DLG2: variants seen among roughly 807,000 people sequenced by gnomAD.
DLG2 encodes the protein discs large MAGUK scaffold protein 2, also known as disks large homolog 2.
DLG2 carries 45 observed loss-of-function variants against 132.5 expected under a neutral mutation model. That is an observed-to-expected ratio of 0.34 (90% confidence interval 0.27 to 0.44). The LOEUF is 0.44. Ranked by LOEUF, DLG2 falls within the 20% of genes least tolerant of loss-of-function variation. The pLI, the probability that DLG2 is intolerant of heterozygous loss-of-function variation, is 1.00. For synonymous variants in DLG2, 424 were observed against 419.6 expected (o/e 1.01, Z -0.13); for missense variants, 1,045 against 1,196.9 (o/e 0.87, Z 1.87).
chr11:85,233,277 G>C (rs2152652712), intron 4 of DLG2, among the ~76,000 whole-genome samples: 1 of 151,884 alleles, frequency 6.6e-6, no homozygotes, highest in Middle Eastern at 3.4e-3. Context: ...ACTAAACTAA[G>C]AGCATATGTG....
intron 7 of DLG2, among the ~76,000 whole-genome samples, chr11:84,398,315 C>G (rs1333149647): frequency 6.6e-6 from 1 of 151,858 alleles, no homozygotes; most frequent in African/African-American, 2.4e-5. Flanking sequence ...AAGGAGGAAA[C>G]CAGAAAGCAA....
At chr11:83,588,833 C>A (rs889922455) in intron 19 of DLG2, among the ~76,000 whole-genome samples, 2 of 152,054 alleles carry the variant, frequency 1.3e-5, no homozygotes, top group Non-Finnish European at 2.9e-5. Flanking sequence ...TCGAGATCTA[C>A]ATGAAGAATG....
intron 16 of DLG2, among the ~76,000 whole-genome samples, chr11:83,843,193 A>G (rs1339760449): frequency 6.6e-6 from 1 of 152,184 alleles, no homozygotes; most frequent in Non-Finnish European, 1.5e-5. Context: ...AGCCTTACAA[A>G]GTTGCCAACC....
Position 84,499,520 on chromosome 11 carries a change from C to G in DLG2, c.519+35050G>C, listed in dbSNP as rs575036923. 2.2e-4 allele frequency among the ~76,000 whole-genome samples: 34 copies of G among 152,290 alleles called. No homozygotes were observed. The Middle Eastern group carries it at 0.01, about 46-fold the overall frequency. The stretch of plus-strand genomic sequence containing the variant: ...CTACAGATTCATAACAATGCCAAAA[C>G]TGCTATACTAAACTAAAAGATACTT... On this transcript the variant is annotated intron_variant, in intron 7 of 27. Transcript: ENST00000376104.
intron 6 of DLG2, among the ~76,000 whole-genome samples, chr11:85,087,234 T>C (rs982545286): frequency 6.6e-5 from 10 of 152,058 alleles, no homozygotes; most frequent in Admixed American, 5.2e-4. Context: ...CAATTACAAA[T>C]TGTGATAAGG....
intron 4 of DLG2, among the ~76,000 whole-genome samples, chr11:85,202,644 G>A (rs1007469465): frequency 6.6e-6 from 1 of 151,996 alleles, no homozygotes; most frequent in Admixed American, 6.6e-5. Context: ...CATATGTTAA[G>A]CCACGAAACA....
chr11:85,146,490 G>T (rs947185506), intron 5 of DLG2, among the ~76,000 whole-genome samples: 1 of 152,108 alleles, frequency 6.6e-6, no homozygotes, highest in African/African-American at 2.4e-5. Context: ...AGGGGAGCAG[G>T]TTCCCTTCTA....
chr11:85,071,251 T>C lies in DLG2; in HGVS notation c.357+40410A>G, dbSNP rs546536918. Among the ~76,000 whole-genome samples, 9 of 151,956 alleles carry C rather than the reference T, an allele frequency of 5.9e-5. No individual in the cohort carries two copies. The South Asian group carries it at 1.2e-3, about 21-fold the overall frequency. ...AAATTAAACCTTAGCGTTACGTCCA[T>C]GGAAGCTCAAGGTAGATATGTAAAA... is the stretch of plus-strand genomic sequence containing the variant. On this transcript the variant is annotated intron_variant, in intron 6 of 27. Coordinates refer to ENST00000376104, the MANE Select transcript of DLG2 (RefSeq NM_001142699.3).
intron 4 of DLG2, among the ~76,000 whole-genome samples, chr11:85,227,853 ATT>A (rs1378814917): frequency 1.3e-5 from 2 of 151,794 alleles, no homozygotes; most frequent in Non-Finnish European, 2.9e-5. Context: ...TCTCCTATTT[ATT>A]TCTAGCCACA....
Position 84,167,690 on chromosome 11 carries a change from G to A in DLG2, c.574-4179C>T, listed in dbSNP as rs192198679. Reference sequence around the variant, plus strand: ...GAATAATTTTTTTTTTTTCGAGACGGAGTTTCAGTCTTGTCAACCAGGCTG... The same window carrying A: ...GAATAATTTTTTTTTTTTCGAGACGAAGTTTCAGTCTTGTCAACCAGGCTG... On this transcript the variant is annotated intron_variant, in intron 8 of 27. Transcript: ENST00000376104. 7.4e-3 allele frequency among the ~76,000 whole-genome samples: 1,117 copies of A among 151,688 alleles called. 49 individuals are homozygous for A. Among genetic ancestry groups the A allele is most frequent in the Non-Finnish European group, 1.6e-3 (107 of 67,926 alleles).
At chr11:84,741,233 AT>A (rs2064610875) in intron 6 of DLG2, among the ~76,000 whole-genome samples, 1 of 151,344 alleles carries the variant, frequency 6.6e-6, no homozygotes, top group Admixed American at 6.6e-5. Flanking sequence ...CGCCTGGCTA[AT>A]TTTTTGTATT....
intron 2 of DLG2, among the ~76,000 whole-genome samples, chr11:85,622,772 T>G (rs1346454356): frequency 6.6e-6 from 1 of 152,116 alleles, no homozygotes; most frequent in Non-Finnish European, 1.5e-5. Context: ...TGTCTTAAGA[T>G]TCTAAGGCCA....
chr11:84,530,127 C>T (rs575970029), intron 7 of DLG2, among the ~76,000 whole-genome samples: 128 of 152,160 alleles, frequency 8.4e-4, no homozygotes, highest in Middle Eastern at 3.4e-3. Context: ...CCTTATACCA[C>T]GTACAAAAAA....
chr11:83,856,080 T>C (rs1014135196), intron 16 of DLG2, among the ~76,000 whole-genome samples: 4 of 152,172 alleles, frequency 2.6e-5, no homozygotes, highest in African/African-American at 9.7e-5. Flanking sequence ...AATGAGAACA[T>C]GTGGTATTTG....
intron 18 of DLG2, among the ~76,000 whole-genome samples, chr11:83,677,487 C>G (rs2153588000): frequency 6.6e-6 from 1 of 152,098 alleles, no homozygotes; most frequent in African/African-American, 2.4e-5. Flanking sequence ...TTCCCAACTT[C>G]CTGAGACAGG....
intron 7 of DLG2, among the ~76,000 whole-genome samples, chr11:84,284,077 T>G (rs1321655593): frequency 6.6e-6 from 1 of 151,972 alleles, no homozygotes; most frequent in African/African-American, 2.4e-5. Context: ...CTACTAAAAA[T>G]AACAAAATTA....
chr11:84,637,361 T>C (rs1315412421), intron 6 of DLG2, among the ~76,000 whole-genome samples: 1 of 152,216 alleles, frequency 6.6e-6, no homozygotes, highest in African/African-American at 2.4e-5. Context: ...TATATTGAAC[T>C]GAATGTTTAA....
intron 19 of DLG2, among the ~76,000 whole-genome samples, chr11:83,571,333 A>C (rs1340864455): frequency 7.9e-6 from 1 of 127,032 alleles, no homozygotes; most frequent in African/African-American, 3.2e-5. Flanking sequence ...AGAACACTGG[A>C]AGTTAAAAAT....
chr11:84,308,001 G>A (rs563480283), intron 7 of DLG2, among the ~76,000 whole-genome samples: 2 of 152,294 alleles, frequency 1.3e-5, no homozygotes, highest in South Asian at 4.1e-4. Context: ...AGGCAGTGTG[G>A]ACCCAAAGAG....
Sources: gnomAD v4.1 joint callset for allele counts (sites outside exome capture counted in the v4.1 genomes callset) on GRCh38, gnomAD v4.1.1 for gene constraint, MANE v1.5 for transcripts, NCBI Gene and HGNC (gene_info 2026-07-23, HGNC 2026-07-21) for gene names.